The following RASEF variants were observed in gnomAD, a reference collection of about 807,000 sequenced individuals.
RASEF encodes the protein ras and EF-hand domain-containing protein.
Under a neutral mutation model 90.1 loss-of-function variants are expected in RASEF, and 68 were observed. That is an observed-to-expected ratio of 0.75 (90% CI 0.62 to 0.92). The LOEUF (loss-of-function observed/expected upper bound fraction) is 0.92, where lower values mean the gene tolerates loss of function less well. Ranked by LOEUF, RASEF falls within the 40% of genes least tolerant of loss-of-function variation. RASEF has a pLI of 0.00. For missense variants in RASEF, 949 were observed against 937.2 expected (o/e 1.01, Z -0.16); for synonymous variants, 331 against 345.2 (o/e 0.96, Z 0.46).
the RASEF span, among the ~76,000 whole-genome samples, chr9:83,204,714 T>A: frequency 6.6e-6 from 1 of 152,212 alleles, no homozygotes; most frequent in African/African-American, 2.4e-5. Context: ...ACACATGGAC[T>A]AAGTACATAA....
the RASEF span, among the ~76,000 whole-genome samples, chr9:83,087,053 A>G: frequency 4.6e-5 from 7 of 152,300 alleles, no homozygotes; most frequent in East Asian, 1.2e-3. Flanking sequence ...GCCACTTAAA[A>G]CAAGTACTTT....
intron 1 of RASEF, chr9:83,048,730 C>T (rs2118673432): frequency 1.0e-6 from 1 of 985,124 alleles, no homozygotes; most frequent in Non-Finnish European, 1.2e-6. Flanking sequence ...GATAAATACA[C>T]ATTGAGAAAT....
chr9:83,195,729 A>C, the RASEF span, among the ~76,000 whole-genome samples: 3 of 152,102 alleles, frequency 2.0e-5, no homozygotes, highest in African/African-American at 7.2e-5. Context: ...TTGGCTCGGG[A>C]GAGTGCCTGG....
intron 16 of RASEF, among the ~76,000 whole-genome samples, chr9:82,985,174 T>C (rs1474385661): frequency 6.6e-6 from 1 of 152,100 alleles, no homozygotes; most frequent in East Asian, 1.9e-4. Flanking sequence ...ACGCTGCTGA[T>C]AAAAACACTC....
chr9:83,128,390 A>G, the RASEF span, among the ~76,000 whole-genome samples: 1 of 150,166 alleles, frequency 6.7e-6, no homozygotes, highest in Non-Finnish European at 1.5e-5. Context: ...CACCTATTTC[A>G]TATATATCTA....
the RASEF span, among the ~76,000 whole-genome samples, chr9:83,218,697 C>T: frequency 1.3e-5 from 2 of 152,198 alleles, no homozygotes; most frequent in African/African-American, 4.8e-5. Flanking sequence ...AGCTCGCCCC[C>T]AGATGTTTCT....
At chr9:83,140,644 T>A in the RASEF span, among the ~76,000 whole-genome samples, 82,511 of 151,948 alleles carry the variant, frequency 0.54, 23,030 homozygotes, top group African/African-American at 0.67. Context: ...TTCAAGGTTG[T>A]GTAATCAGGA....
the RASEF span, among the ~76,000 whole-genome samples, chr9:83,148,145 C>T: frequency 6.6e-6 from 1 of 152,042 alleles, no homozygotes; most frequent in Non-Finnish European, 1.5e-5. Flanking sequence ...CCCTCTTCTA[C>T]CCAGTATTTC....
rs1034573413 is a variant in RASEF at position 83,048,867 on chromosome 9, G to A, written c.431+13570C>T. On this transcript the variant is annotated intron_variant, in intron 1 of 16. Transcript: ENST00000376447. ...TGTGAGGCTGTGTGCAGTGGCTCACGCCTGTCATCCCAACACTTTGGGAGG... is the reference window on the plus strand; with the variant it reads ...TGTGAGGCTGTGTGCAGTGGCTCACACCTGTCATCCCAACACTTTGGGAGG... The A allele has an allele frequency of 1.7e-5, 11 of 653,858 alleles. No homozygotes were observed. The Admixed American group carries it at 3.8e-4, about 23-fold the overall frequency. The allele number at this position is 653,858 out of a possible 1,614,324, so 40.5% of individuals were successfully genotyped here. A position where few individuals can be genotyped will look rare whatever the true frequency, so the allele number is the denominator to read the frequency against.
chr9:83,192,753 GA>G, the RASEF span, among the ~76,000 whole-genome samples: 377 of 118,364 alleles, frequency 3.2e-3, no homozygotes, highest in East Asian at 0.015. Context: ...ACCTTCACCA[GA>G]AAAAAAAAAA....
the RASEF span, among the ~76,000 whole-genome samples, chr9:83,072,163 T>A: frequency 2.0e-5 from 3 of 152,288 alleles, no homozygotes; most frequent in Non-Finnish European, 4.4e-5. Flanking sequence ...CCTACTTTAG[T>A]CCTTAACTTA....
chr9:83,169,444 T>C, the RASEF span, among the ~76,000 whole-genome samples: 1 of 151,906 alleles, frequency 6.6e-6, no homozygotes, highest in East Asian at 1.9e-4. Context: ...TTAGCTTTTT[T>C]AGGAACTTCC....
chr9:83,217,201 C>G, the RASEF span, among the ~76,000 whole-genome samples: 1 of 152,108 alleles, frequency 6.6e-6, no homozygotes, highest in Non-Finnish European at 1.5e-5. Flanking sequence ...GCTTTTACCC[C>G]CCATTGTATC....
chr9:83,105,853 C>T, the RASEF span, among the ~76,000 whole-genome samples: 1 of 152,126 alleles, frequency 6.6e-6, no homozygotes, highest in Non-Finnish European at 1.5e-5. Flanking sequence ...TTACACCATC[C>T]CATGTGCCGG....
At chr9:83,062,345 G>A (rs1041129811) in intron 1 of RASEF, 92 bp downstream of exon 1, 18 of 1,213,206 alleles carry the variant, frequency 1.5e-5, no homozygotes, top group African/African-American at 4.6e-5. Context: ...GACTAGGGGG[G>A]GGGGCCATTG....
the RASEF span, among the ~76,000 whole-genome samples, chr9:83,135,713 T>C: frequency 6.6e-6 from 1 of 152,162 alleles, no homozygotes; most frequent in South Asian, 2.1e-4. Context: ...CTGTTGTTGA[T>C]GCAAACACAA....
intron 1 of RASEF, among the ~76,000 whole-genome samples, chr9:83,028,496 A>G (rs987918505): frequency 1.3e-5 from 2 of 152,208 alleles, no homozygotes; most frequent in East Asian, 1.9e-4. Context: ...CACTTGATCA[A>G]CATTCCTTGG....
At chr9:83,066,431 G>A (rs775545793), upstream of RASEF, among the ~76,000 whole-genome samples, 6 of 152,154 alleles carry the variant, frequency 3.9e-5, no homozygotes, top group Non-Finnish European at 7.4e-5. Context: ...TATACTCAGG[G>A]GAAAGCCACG....
At chr9:83,071,714 TTTG>T in the RASEF span, among the ~76,000 whole-genome samples, 1 of 152,140 alleles carries the variant, frequency 6.6e-6, no homozygotes, top group Non-Finnish European at 1.5e-5. Context: ...CTTCCTTCAT[TTTG>T]TTAACAGTGG....
Sources: gnomAD v4.1 joint callset for allele counts (sites outside exome capture counted in the v4.1 genomes callset) on GRCh38, gnomAD v4.1.1 for gene constraint, MANE v1.5 for transcripts, NCBI Gene and HGNC (gene_info 2026-07-23, HGNC 2026-07-21) for gene names.